TLL1: variants seen among roughly 807,000 people sequenced by gnomAD.
TLL1 encodes the protein tolloid like 1.
Under a neutral mutation model 128.2 loss-of-function variants are expected in TLL1, and 49 were observed. That is an observed-to-expected ratio of 0.38 (90% CI 0.30 to 0.48). The LOEUF is 0.48. Ranked by LOEUF, TLL1 falls within the 20% of genes least tolerant of loss-of-function variation. The pLI, the probability that TLL1 is intolerant of heterozygous loss-of-function variation, is 0.96. For synonymous variants in TLL1, 454 were observed against 418.8 expected (o/e 1.08, Z -1.03); for missense variants, 1,123 against 1,242.0 (o/e 0.90, Z 1.44).
chr4:165,990,839 G>A (rs1245267353), intron 2 of TLL1, among the ~76,000 whole-genome samples: 1 of 152,002 alleles, frequency 6.6e-6, no homozygotes, highest in African/African-American at 2.4e-5. Context: ...GTGCTTTGGT[G>A]TTTGTTATGC....
chr4:166,096,659 C>G (rs559613259), intron 19 of TLL1, among the ~76,000 whole-genome samples: 1 of 152,070 alleles, frequency 6.6e-6, no homozygotes, highest in Admixed American at 6.6e-5. Flanking sequence ...CCCTGCAGCT[C>G]TTCCTGGGCT....
intron 1 of TLL1, among the ~76,000 whole-genome samples, chr4:165,889,635 C>T (rs1004040581): frequency 7.2e-5 from 11 of 152,168 alleles, no homozygotes; most frequent in African/African-American, 2.2e-4. Flanking sequence ...TGTGGAACAG[C>T]TAAGTAGGAT....
intron 1 of TLL1, among the ~76,000 whole-genome samples, chr4:165,961,111 C>T (rs1331973804): frequency 6.6e-6 from 1 of 152,084 alleles, no homozygotes; most frequent in Non-Finnish European, 1.5e-5. Context: ...TGATAAACAA[C>T]TTCAGTAAAG....
chr4:165,927,579 C>T (rs1232832694), intron 1 of TLL1, among the ~76,000 whole-genome samples: 1 of 152,166 alleles, frequency 6.6e-6, no homozygotes, highest in African/African-American at 2.4e-5. Context: ...GCCATACATG[C>T]TAATTGATTG....
chr4:166,008,593 G>T (rs867289997), intron 7 of TLL1, among the ~76,000 whole-genome samples: 3 of 151,386 alleles, frequency 2.0e-5, no homozygotes, highest in Admixed American at 6.6e-5. Flanking sequence ...TAGAATTATA[G>T]TTCATCACTC....
intron 16 of TLL1, among the ~76,000 whole-genome samples, chr4:166,071,308 G>A (rs935362582): frequency 6.6e-6 from 1 of 151,886 alleles, no homozygotes; most frequent in South Asian, 2.1e-4. Context: ...GATAGTCTCA[G>A]AGGTTCGCTG....
In TLL1 at chr4:165,943,729, A is replaced by G. The variant is rs186155344; in HGVS notation, c.170-45652A>G. On this transcript the variant is annotated intron_variant, in intron 1 of 20. Coordinates refer to ENST00000061240, the MANE Select transcript of TLL1 (RefSeq NM_012464.5). ...AGCCATGAAAAAAAATGCATCTACT[A>G]TATAAATAAAGCTGCTAAATTAGAT... is the stretch of plus-strand genomic sequence containing the variant. Among the ~76,000 whole-genome samples the G allele has an allele frequency of 3.3e-5, 5 of 152,210 alleles. No homozygotes were observed. The East Asian group carries it at 9.7e-4, about 29-fold the overall frequency.
intron 1 of TLL1, among the ~76,000 whole-genome samples, chr4:165,913,600 C>T (rs573110671): frequency 1.3e-5 from 2 of 152,242 alleles, no homozygotes; most frequent in African/African-American, 4.8e-5. Context: ...CCTTAATTTG[C>T]TGTTATACAA....
At chr4:165,894,952 A>C (rs73860879) in intron 1 of TLL1, among the ~76,000 whole-genome samples, 3 of 152,062 alleles carry the variant, frequency 2.0e-5, no homozygotes, top group African/African-American at 2.4e-5. Context: ...AAAATTGACT[A>C]TATAATTTTA....
chr4:165,964,976 A>G (rs1484790031), intron 1 of TLL1, among the ~76,000 whole-genome samples: 2 of 152,090 alleles, frequency 1.3e-5, no homozygotes, highest in African/African-American at 4.8e-5. Flanking sequence ...TAAATGCAAT[A>G]AAAATAAATA....
At chr4:166,064,638 G>A (rs1019391639) in intron 15 of TLL1, among the ~76,000 whole-genome samples, 2 of 152,062 alleles carry the variant, frequency 1.3e-5, no homozygotes, top group African/African-American at 4.8e-5. Context: ...AGAATAATGG[G>A]TTAGGCTTAA....
At chr4:166,088,067 T>C (rs1045011921) in intron 18 of TLL1, among the ~76,000 whole-genome samples, 1 of 152,134 alleles carries the variant, frequency 6.6e-6, no homozygotes, top group Non-Finnish European at 1.5e-5. Context: ...TCTTAAACAC[T>C]TAAGAAAAAT....
chr4:166,089,288 C>A (rs527982051), intron 18 of TLL1, among the ~76,000 whole-genome samples: 1 of 152,190 alleles, frequency 6.6e-6, no homozygotes, highest in South Asian at 2.1e-4. Context: ...CAATTACAAA[C>A]TGATGTTAGG....
intron 15 of TLL1, among the ~76,000 whole-genome samples, chr4:166,061,757 A>T (rs1740324798): frequency 6.6e-6 from 1 of 151,960 alleles, no homozygotes; most frequent in Non-Finnish European, 1.5e-5. Flanking sequence ...TTTTGTTGTC[A>T]TTGCTTTTGG....
In TLL1 at chr4:166,043,283, G is replaced by C; in HGVS notation, c.1388G>C (p.Gly463Ala). The C allele has an allele frequency of 6.2e-7, 1 of 1,614,126 alleles. No homozygotes were observed. The highest frequency in any genetic ancestry group is 8.5e-7 in the Non-Finnish European group (1 of 1,179,988). ...GFAAVYEAIC[G>A]GEIRKNEGQI... ...TTTTGGCTTTCTTCAGCGATCTGTG[G>C]AGGTGAGATACGTAAAAATGAAGGA... The change falls in exon 12 of 21, where the codon GGA (glycine) becomes GCA (alanine). Residue 463 changes from glycine (G) to alanine (A), a missense_variant. Around this residue, in one of 3 missense-constraint regions of TLL1, gnomAD observed 634 missense variants for 672.4 expected, o/e 0.94. Transcript: ENST00000061240.
intron 5 of TLL1, among the ~76,000 whole-genome samples, chr4:166,001,939 C>T (rs1737183365): frequency 6.6e-6 from 1 of 152,102 alleles, no homozygotes; most frequent in African/African-American, 2.4e-5. Context: ...AAAAATCAAT[C>T]TCAATTATTA....
In TLL1 at chr4:166,011,796, G is replaced by A. The variant is rs184625128; in HGVS notation, c.918-2640G>A. ...TTTTATATATAGTTTTTATTATGTT[G>A]AGGTAGCTTCCTCCTATTCCTAGAT... On this transcript the variant is annotated intron_variant, in intron 7 of 20. Coordinates refer to ENST00000061240, the MANE Select transcript of TLL1 (RefSeq NM_012464.5). Among the ~76,000 whole-genome samples the A allele has an allele frequency of 4.5e-3, 677 of 151,558 alleles. 7 individuals are homozygous for A. Among genetic ancestry groups the A allele is most frequent in the Middle Eastern group, 0.017 (5 of 294 alleles).
At chr4:166,072,418 C>T (rs2111133872) in intron 16 of TLL1, among the ~76,000 whole-genome samples, 1 of 151,300 alleles carries the variant, frequency 6.6e-6, no homozygotes, top group Middle Eastern at 3.4e-3. Flanking sequence ...CCTTTTGCTC[C>T]TCTTCCTCCT....
chr4:166,026,869 A>T (rs574719300), intron 9 of TLL1, among the ~76,000 whole-genome samples: 1 of 152,340 alleles, frequency 6.6e-6, no homozygotes, highest in African/African-American at 2.4e-5. Flanking sequence ...TTTGAACATT[A>T]TATCAATAAC....
Sources: allele counts gnomAD v4.1 joint callset (sites outside exome capture counted in the v4.1 genomes callset), GRCh38; gene constraint gnomAD v4.1.1; regional missense constraint gnomAD v4.1.1; transcripts MANE v1.5; gene names NCBI Gene and HGNC (gene_info 2026-07-23, HGNC 2026-07-21).